Variants in RHBDF1 observed in about 807,000 individuals in gnomAD.
RHBDF1 encodes inactive rhomboid protein 1.
RHBDF1 carries 80 observed loss-of-function variants against 98.6 expected under a neutral mutation model. The observed-to-expected ratio is 0.81, with a 90% CI of 0.68 to 0.98. The LOEUF is 0.98. RHBDF1 is among the 50% of genes least tolerant of loss of function. RHBDF1 has a pLI of 0.00. For synonymous variants in RHBDF1, 512 were observed against 486.8 expected (o/e 1.05, Z -0.68); for missense variants, 1,116 against 1,198.3 (o/e 0.93, Z 1.01).
intron 1 of RHBDF1, among the ~76,000 whole-genome samples, chr16:66,990 C>T (rs1897846736): frequency 6.6e-6 from 1 of 152,174 alleles, no homozygotes. Context: ...CCAGCCCAGA[C>T]CTGCGTGTCC....
rs1182178194 is a variant in RHBDF1 at position 63,067 on chromosome 16, G to C, written c.578C>G (p.Ser193Cys). ...TPGAASLCSFSSSRSGFHRLP... is the reference protein window; with the variant it reads ...TPGAASLCSFCSSRSGFHRLP... ...CCGGTGGAAACCTGAGCGGGAGCTG[G>C]AGAAGGAGCAGAGGGAGGCAGCACC... Residue 193 changes from serine (S) to cysteine (C), a missense_variant, in exon 5 of 18, where the codon TCC becomes TGC. Coordinates refer to ENST00000262316, the MANE Select transcript of RHBDF1 (RefSeq NM_022450.5). 6.8e-6 allele frequency: 11 copies of C among 1,612,712 alleles called. No homozygotes were observed. Among genetic ancestry groups the C allele is most frequent in the Non-Finnish European group, 9.3e-6 (11 of 1,179,736 alleles).
upstream of RHBDF1, chr16:73,954 C>A (rs1330474616): frequency 2.0e-6 from 2 of 985,248 alleles, no homozygotes; most frequent in African/African-American, 3.5e-5. Flanking sequence ...TTCCCCTGCC[C>A]ATATCCTTGT....
upstream of RHBDF1, chr16:74,581 C>T (rs933546200): frequency 2.0e-5 from 3 of 152,176 alleles, no homozygotes; most frequent in Non-Finnish European, 2.9e-5. Context: ...TCCAGGAATC[C>T]CCAGGCTCTC....
intron 13 of RHBDF1, 112 bp from the exon 14 acceptor site, chr16:59,938 T>C: frequency 1.3e-6 from 2 of 1,539,814 alleles, no homozygotes; most frequent in Non-Finnish European, 1.7e-6. Flanking sequence ...GAAAACGGTG[T>C]GGCTTCCTTG....
chr16:64,935 C>A lies in RHBDF1; in HGVS notation c.81G>T (p.Ala27=). ...PPWLKLDIPS[A]VPLTAEEPSF... is the part of the protein sequence containing the mutation. ...TGGGCTCTTCTGCCGTCAGGGGCAC[C>A]GCAGAGGGAATGTCCAGCTTTAGCC... is the stretch of plus-strand genomic sequence containing the variant. The change falls in exon 2 of 18, where the codon GCG becomes GCT. Residue 27 remains alanine, a synonymous_variant. Transcript: ENST00000262316. 4 of 1,597,988 alleles carry A rather than the reference C, an allele frequency of 2.5e-6. No individual in the cohort carries two copies. The highest frequency in any genetic ancestry group is 3.4e-6 in the Non-Finnish European group (4 of 1,169,480).
chr16:59,975 C>T, intron 13 of RHBDF1, 149 bp from the exon 14 acceptor site: 6 of 1,487,324 alleles, frequency 4.0e-6, no homozygotes, highest in Non-Finnish European at 5.4e-6. Context: ...CACACTGAGT[C>T]TCTATCAAAC....
Position 61,462 on chromosome 16 carries a change from G to A in RHBDF1, c.1321-3C>T. On this transcript the variant is annotated splice_polypyrimidine_tract_variant and splice_region_variant and intron_variant, in intron 9 of 17. Transcript: ENST00000262316. ...TAGACCCCGCGGTTCCGCAGCACCT[G>A]GGAGGTTGGGGAGCGGGATCAGACG... 6.2e-7 allele frequency: 1 copy of A among 1,612,432 alleles called. No individual in the cohort carries two copies. The highest frequency in any genetic ancestry group is 8.5e-7 in the Non-Finnish European group (1 of 1,179,788).
upstream of RHBDF1, chr16:74,542 G>C (rs1328334992): frequency 6.6e-6 from 1 of 152,184 alleles, no homozygotes; most frequent in Admixed American, 6.5e-5. Flanking sequence ...GTCTGCCTCT[G>C]CAGGCAAATC....
Position 65,038 on chromosome 16 carries a change from G to A in RHBDF1, c.-23C>T. 1 of 1,502,052 alleles carries A rather than the reference G, an allele frequency of 6.7e-7. No homozygotes were observed. The highest frequency in any genetic ancestry group is 8.9e-7 in the Non-Finnish European group (1 of 1,127,854). The allele number at this position is 1,502,052 out of a possible 1,614,324, so 93.0% of individuals were successfully genotyped here. ...CATGGTTCCTGGCAGAGCAAGGCAG[G>A]CCTGCGGGGCATGGTGTGTTATTCA... is the stretch of plus-strand genomic sequence containing the variant. On this transcript the variant is annotated splice_region_variant and 5_prime_UTR_variant, in exon 2 of 18. Transcript: ENST00000262316.
Position 62,648 on chromosome 16 carries a change from G to A in RHBDF1, c.843C>T (p.Phe281=), listed in dbSNP as rs148307966. 73 of 1,614,102 alleles carry A rather than the reference G, an allele frequency of 4.5e-5. 1 individual carries two copies. The African/African-American group carries it at 4.7e-4, about 10-fold the overall frequency. ...EELSTYPDEV[F]ESPSEAALKD... ...TTAGCGCTGCCTCCGATGGGGACTCGAAAACTTCATCCGGGTATGTGGACA... is the reference window on the plus strand; with the variant it reads ...TTAGCGCTGCCTCCGATGGGGACTCAAAAACTTCATCCGGGTATGTGGACA... Residue 281 remains phenylalanine (F), a synonymous_variant, in exon 7 of 18, where the codon TTC becomes TTT. Coordinates refer to ENST00000262316, the MANE Select transcript of RHBDF1 (RefSeq NM_022450.5).
In RHBDF1 at chr16:62,537, C is replaced by G. The variant is rs140757373; in HGVS notation, c.953+1G>C. ...CCCTCTTCCCTGCCTGCCGCACTCA[C>G]AGCATCAGGTGGCTGCGCTCAAGCT... is the stretch of plus-strand genomic sequence containing the variant. On this transcript the variant is annotated splice_donor_variant, in intron 7 of 17. Transcript: ENST00000262316. LOFTEE classifies it high-confidence loss of function. 5.7e-5 allele frequency: 92 copies of G among 1,612,066 alleles called. No homozygotes were observed. The highest frequency in any genetic ancestry group is 7.6e-5 in the Non-Finnish European group (90 of 1,179,900).
chr16:60,146 T>C, intron 13 of RHBDF1, 70 bp downstream of exon 13: 1 of 1,610,244 alleles, frequency 6.2e-7, no homozygotes, highest in South Asian at 1.1e-5. Context: ...GTATCACCAG[T>C]GGGTGGGGTG....
chr16:62,987 C>T lies in RHBDF1; in HGVS notation c.658G>A (p.Ala220Thr), dbSNP rs1414245700. Residue 220 changes from alanine (A) to threonine (T), a missense_variant, in exon 5 of 18, where the codon GCA (alanine) becomes ACA (threonine). Ala to Thr is a moderately conservative substitution (Grantham distance 58). Transcript: ENST00000262316. ...SVAKMSFRAA[A>T]ALMKGRSVRD... ...CCTGCACCCACTTTCATCAGCGCTG[C>T]GGCCGCCCGGAAGCTCATCTTGGCC... is the stretch of plus-strand genomic sequence containing the variant. 6.2e-6 allele frequency: 10 copies of T among 1,611,980 alleles called. No homozygotes were observed. The highest frequency in any genetic ancestry group is 1.1e-5 in the South Asian group (1 of 90,990).
rs148671586 is a variant in RHBDF1, at chr16:59,760, G to A, written c.1789C>T (p.Arg597Trp). The A allele has an allele frequency of 7.2e-5, 117 of 1,614,036 alleles. No homozygotes were observed. Among genetic ancestry groups the A allele is most frequent in the South Asian group, 6.6e-5 (6 of 91,092 alleles). ...CCCTTGGTGCCAATGCAGCAGGGCCGTCCTGTGATGACACAGTCCATGTGG... is the reference window on the plus strand; with the variant it reads ...CCCTTGGTGCCAATGCAGCAGGGCCATCCTGTGATGACACAGTCCATGTGG... ...HPHMDCVITG[R>W]PCCIGTKGRC... Residue 597 changes from arginine (R) to tryptophan (W), a missense_variant, in exon 14 of 18, where the codon CGG becomes TGG. Transcript: ENST00000262316.
Position 68,083 on chromosome 16 carries a change from C to T in RHBDF1, c.-24-3044G>A, listed in dbSNP as rs184147820. Reference sequence around the variant, plus strand: ...TGTCTCAGCCGGGGACCACAGTCGGCCCCAGGAGACAGCAGAGTGCTCAGC... The same window carrying T: ...TGTCTCAGCCGGGGACCACAGTCGGTCCCAGGAGACAGCAGAGTGCTCAGC... On this transcript the variant is annotated intron_variant, in intron 1 of 17. Transcript: ENST00000262316. Among the ~76,000 whole-genome samples the T allele has an allele frequency of 2.1e-3, 324 of 152,228 alleles. 1 individual carries two copies. Among genetic ancestry groups the T allele is most frequent in the African/African-American group, 7.4e-3 (309 of 41,520 alleles).
Position 59,350 on chromosome 16 carries a change from C to A in RHBDF1, c.1894-1G>T. ...CACACACATCATCCATGCAGTGCAC[C>A]TGCGCAGAGCAGCATATCAGCATCA... On this transcript the variant is annotated splice_acceptor_variant, in intron 15 of 17. Coordinates refer to ENST00000262316, the MANE Select transcript of RHBDF1 (RefSeq NM_022450.5). LOFTEE classifies it high-confidence loss of function. 6.2e-7 allele frequency: 1 copy of A among 1,611,852 alleles called. No individual in the cohort carries two copies. Among genetic ancestry groups the A allele is most frequent in the South Asian group, 1.1e-5 (1 of 90,782 alleles).
At chr16:59,587 G>A (rs1048858575) in intron 14 of RHBDF1, 93 bp from the exon 15 acceptor site, 4 of 1,483,754 alleles carry the variant, frequency 2.7e-6, no homozygotes, top group Admixed American at 3.8e-5. Context: ...ACCCACCTTT[G>A]TTGGCCCCAA....
rs368291545 is a variant in RHBDF1, at chr16:61,606, C to T, written c.1299G>A (p.Ser433=). 2 of 1,613,356 alleles carry T rather than the reference C, an allele frequency of 1.2e-6. No individual in the cohort carries two copies. The highest frequency in any genetic ancestry group is 8.5e-7 in the Non-Finnish European group (1 of 1,179,906). Reference sequence around the variant, plus strand: ...TCACCGAGTCCACCGTCTCATGCTGCGAGAAGCCCACGGGCGCGATGCCAT... The same window carrying T: ...TCACCGAGTCCACCGTCTCATGCTGTGAGAAGCCCACGGGCGCGATGCCAT... ...CIYGIAPVGF[S]QHETVDSVLR... is the part of the protein sequence containing the mutation. Residue 433 remains serine, a synonymous_variant, in exon 9 of 18, where the codon TCG becomes TCA. Coordinates refer to ENST00000262316, the MANE Select transcript of RHBDF1 (RefSeq NM_022450.5).
At chr16:71,833 GC>G (rs1897977602) in intron 1 of RHBDF1, among the ~76,000 whole-genome samples, 1 of 152,242 alleles carries the variant, frequency 6.6e-6, no homozygotes, top group Non-Finnish European at 1.5e-5. Context: ...CTGGGGTCTG[GC>G]TGTCACCCCA....
Sources: allele counts gnomAD v4.1 joint callset (sites outside exome capture counted in the v4.1 genomes callset), GRCh38; gene constraint gnomAD v4.1.1; transcripts MANE v1.5; gene names NCBI Gene and HGNC (gene_info 2026-07-23, HGNC 2026-07-21).